Variants in TTC17 observed in about 807,000 individuals in gnomAD.
TTC17 encodes tetratricopeptide repeat protein 17.
TTC17 carries 58 observed loss-of-function variants against 143.8 expected under a neutral mutation model. The ratio of observed to expected loss-of-function variants is 0.40; its 90% CI spans 0.33 to 0.50. The LOEUF (loss-of-function observed/expected upper bound fraction) is 0.50. Among genes scored for constraint, TTC17 ranks in the 20% least tolerant of loss-of-function variants. TTC17 has a pLI of 0.49. For synonymous variants in TTC17, 501 were observed against 497.8 expected (o/e 1.01, Z -0.09); for missense variants, 1,273 against 1,392.5 (o/e 0.91, Z 1.37).
intron 21 of TTC17, among the ~76,000 whole-genome samples, chr11:43,467,044 G>A (rs1374178646): frequency 6.6e-6 from 1 of 152,042 alleles, no homozygotes; most frequent in African/African-American, 2.4e-5. Flanking sequence ...GGATTGCAGA[G>A]TTAAGTTTAT....
chr11:43,427,274 A>G (rs1022204113), intron 16 of TTC17, among the ~76,000 whole-genome samples: 15 of 152,194 alleles, frequency 9.9e-5, no homozygotes, highest in Admixed American at 9.2e-4. Context: ...GTGGGTAGCT[A>G]GGAAATCTAA....
intron 16 of TTC17, among the ~76,000 whole-genome samples, chr11:43,434,698 A>G (rs560286651): frequency 2.8e-4 from 43 of 152,354 alleles, no homozygotes; most frequent in Middle Eastern, 3.4e-3. Context: ...CTTATTTGGA[A>G]CAAGTATTCT....
At chr11:43,447,910 A>G in intron 18 of TTC17, 92 bp from the exon 19 acceptor site, 1 of 1,504,614 alleles carries the variant, frequency 6.6e-7, no homozygotes, top group Non-Finnish European at 9.0e-7. Context: ...CTCCAAATAC[A>G]CCAATCCAGG....
intron 15 of TTC17, among the ~76,000 whole-genome samples, chr11:43,412,301 C>G (rs1858451433): frequency 6.6e-6 from 1 of 151,346 alleles, no homozygotes; most frequent in Non-Finnish European, 1.5e-5. Flanking sequence ...CTGGGCAACA[C>G]AATGAGATCC....
chr11:43,359,648 G>A lies in TTC17; in HGVS notation c.159+535G>A, dbSNP rs527368654. On this transcript the variant is annotated intron_variant, in intron 1 of 23. Coordinates refer to ENST00000039989, the MANE Select transcript of TTC17 (RefSeq NM_018259.6). ...GGTTGTGTTGGTTTCAGCTTGTACC[G>A]TTACTCAGGTCAGCAGTGGCTCATT... Among the ~76,000 whole-genome samples the A allele has an allele frequency of 1.2e-3, 177 of 152,284 alleles. 2 individuals carry two copies. Among genetic ancestry groups the A allele is most frequent in the African/African-American group, 4.2e-3 (174 of 41,556 alleles).
At chr11:43,473,192 A>C (rs552244601) in intron 21 of TTC17, among the ~76,000 whole-genome samples, 4 of 152,016 alleles carry the variant, frequency 2.6e-5, no homozygotes, top group Non-Finnish European at 5.9e-5. Context: ...AAAAAGAAAG[A>C]AAATCTTCAC....
intron 16 of TTC17, among the ~76,000 whole-genome samples, chr11:43,423,287 T>G (rs1337873288): frequency 6.6e-6 from 1 of 152,180 alleles, no homozygotes; most frequent in Non-Finnish European, 1.5e-5. Flanking sequence ...ACGTCAATGT[T>G]GTTAAGAATG....
chr11:43,394,247 G>C (rs1313302581), intron 5 of TTC17, among the ~76,000 whole-genome samples: 2 of 152,228 alleles, frequency 1.3e-5, no homozygotes, highest in African/African-American at 4.8e-5. Context: ...AAGTAGGCCA[G>C]TGCCAGATTA....
chr11:43,395,813 A>ACTGAAAG (rs1446910111), intron 5 of TTC17, among the ~76,000 whole-genome samples: 12 of 152,346 alleles, frequency 7.9e-5, no homozygotes, highest in African/African-American at 2.9e-4. Flanking sequence ...CTGAAAATCT[A>ACTGAAAG]TAAAAGAAAG....
Position 43,426,232 on chromosome 11 carries a change from A to AATT in TTC17, c.2251+11457_2251+11458insTTA, listed in dbSNP as rs1947024673. On this transcript the variant is annotated intron_variant, in intron 16 of 23. Coordinates refer to ENST00000039989, the MANE Select transcript of TTC17 (RefSeq NM_018259.6). The stretch of plus-strand genomic sequence containing the variant: ...CACCCCTCTCACAGTACACTGGCTA[A>AATT]AAGCCATAAATGTTGAAAGTTGGGA... 2.0e-5 allele frequency among the ~76,000 whole-genome samples: 3 copies of AATT among 152,380 alleles called. No individual in the cohort carries two copies. In the South Asian group the frequency reaches 6.2e-4, roughly 32 times the overall value.
intron 1 of TTC17, among the ~76,000 whole-genome samples, chr11:43,370,549 GAA>G (rs56245298): frequency 3.8e-5 from 5 of 133,326 alleles, no homozygotes; most frequent in Non-Finnish European, 4.9e-5. Context: ...TTTGTTTAAG[GAA>G]AAAAAAAAAA....
rs773624344 is a variant in TTC17 at position 43,492,067 on chromosome 11, C to G, written c.3198C>G (p.Leu1066=). The change falls in exon 23 of 24, where the codon CTC becomes CTG. Residue 1066 remains leucine, a synonymous_variant. Transcript: ENST00000039989. ...SLANILHNAK[L]WNDAVIVATM... The stretch of plus-strand genomic sequence containing the variant: ...CCAACATCTTGCACAATGCCAAGCT[C>G]TGGAATGACGCCGTCATAGTAGCCA... The G allele has an allele frequency of 1.2e-6, 2 of 1,613,996 alleles. No homozygotes were observed. Among genetic ancestry groups the G allele is most frequent in the Non-Finnish European group, 1.7e-6 (2 of 1,180,000 alleles).
intron 2 of TTC17, among the ~76,000 whole-genome samples, chr11:43,386,768 CGTAT>C (rs545667345): frequency 6.7e-6 from 1 of 150,278 alleles, no homozygotes; most frequent in Non-Finnish European, 1.5e-5. Context: ...TAATTTCTTA[CGTAT>C]GTATGTATTT....
intron 2 of TTC17, among the ~76,000 whole-genome samples, chr11:43,383,463 C>T (rs749471657): frequency 3.9e-5 from 6 of 152,156 alleles, no homozygotes; most frequent in Non-Finnish European, 8.8e-5. Context: ...AGCGATTCTC[C>T]TGCCTCAGCC....
At chr11:43,422,272 G>C (rs1946923978) in intron 16 of TTC17, among the ~76,000 whole-genome samples, 1 of 152,194 alleles carries the variant, frequency 6.6e-6, no homozygotes, top group Non-Finnish European at 1.5e-5. Context: ...TCAGGTCTGA[G>C]AAAGGAGCAG....
intron 21 of TTC17, among the ~76,000 whole-genome samples, chr11:43,457,243 C>A (rs1455187873): frequency 6.6e-6 from 1 of 151,958 alleles, no homozygotes; most frequent in East Asian, 1.9e-4. Context: ...ACAGGAATGA[C>A]CCAGACAGAT....
chr11:43,453,883 A>G (rs1947712367), intron 21 of TTC17, among the ~76,000 whole-genome samples: 1 of 152,224 alleles, frequency 6.6e-6, no homozygotes, highest in Non-Finnish European at 1.5e-5. Context: ...CAGAACACTT[A>G]TATTAGCCTA....
Position 43,446,238 on chromosome 11 carries a change from C to T in TTC17, c.2666-1764C>T, listed in dbSNP as rs572326744. 1,560 of 1,167,270 alleles carry T rather than the reference C, an allele frequency of 1.3e-3. 1 individual carries two copies. Among genetic ancestry groups the T allele is most frequent in the Non-Finnish European group, 1.6e-3 (1,470 of 926,640 alleles). 72.3% of individuals were successfully genotyped at this position (1,167,270 alleles called of 1,614,324 possible). On this transcript the variant is annotated intron_variant, in intron 18 of 23. Transcript: ENST00000039989. ...GCCCTGTGCCCCCTCTGCCCTCTGC[C>T]GTGCTAAAATATCACTCATCCTTAA... is the stretch of plus-strand genomic sequence containing the variant.
At chr11:43,372,223 A>G (rs1031323193) in intron 1 of TTC17, among the ~76,000 whole-genome samples, 1 of 151,548 alleles carries the variant, frequency 6.6e-6, no homozygotes, top group Non-Finnish European at 1.5e-5. Flanking sequence ...TACAAATGCA[A>G]AAAAATAGTA....
Sources: allele counts gnomAD v4.1 joint callset (sites outside exome capture counted in the v4.1 genomes callset), GRCh38; gene constraint gnomAD v4.1.1; transcripts MANE v1.5; gene names NCBI Gene and HGNC (gene_info 2026-07-23, HGNC 2026-07-21).